Variants in UVRAG observed in about 807,000 individuals in gnomAD.
UVRAG encodes the protein UV radiation resistance-associated gene protein.
Under a neutral mutation model 78.0 loss-of-function variants are expected in UVRAG, and 19 were observed. That is an observed-to-expected ratio of 0.24 (90% CI 0.17 to 0.36). The LOEUF (loss-of-function observed/expected upper bound fraction) is 0.36, where lower values mean the gene tolerates loss of function less well. Ranked by LOEUF, UVRAG falls within the 10% of genes least tolerant of loss-of-function variation. The pLI, the probability that UVRAG is intolerant of heterozygous loss-of-function variation, is 1.00. For missense variants in UVRAG, 740 were observed against 853.8 expected, an observed-to-expected ratio of 0.87 and a Z score of 1.66; for synonymous variants, 323 against 324.6, an observed-to-expected ratio of 1.00 and a Z score of 0.05.
At chr11:75,825,014 A>G (rs1945481369) in intron 1 of UVRAG, among the ~76,000 whole-genome samples, 1 of 152,084 alleles carries the variant, frequency 6.6e-6, no homozygotes, top group African/African-American at 2.4e-5. Context: ...TACAGCTACA[A>G]ACTGAAGGTG....
At position 75,877,717 on chromosome 11, in the gene UVRAG, C is replaced by T. The variant is rs530217276; in HGVS notation, c.271-2162C>T. On this transcript the variant is annotated intron_variant, in intron 3 of 14. Transcript: ENST00000356136. ...GGCGCCCCTCACCTCCTGGACGGGG[C>T]GGCTGGCCGGGCGGGGGGCTGACCC... 4.3e-5 allele frequency among the ~76,000 whole-genome samples: 6 copies of T among 139,566 alleles called. No homozygotes were observed. In the East Asian group the frequency reaches 7.1e-4, roughly 17 times the overall value. 91.6% of individuals were successfully genotyped at this position (139,566 alleles called of 152,430 possible). A position where few individuals can be genotyped will look rare whatever the true frequency, so the allele number is the denominator to read the frequency against.
chr11:75,990,824 G>A (rs1179708940), intron 8 of UVRAG, among the ~76,000 whole-genome samples: 2 of 152,180 alleles, frequency 1.3e-5, no homozygotes, highest in African/African-American at 2.4e-5. Flanking sequence ...TCTGAGGGCA[G>A]GCACTGTTCA....
At chr11:75,880,079 C>T in intron 4 of UVRAG, 39 bp downstream of exon 4, 1 of 1,607,632 alleles carries the variant, frequency 6.2e-7, no homozygotes, top group Non-Finnish European at 8.5e-7. Context: ...TTGTCATCTC[C>T]AAATTAACGT....
At chr11:75,899,932 T>A (rs1376310580) in intron 5 of UVRAG, among the ~76,000 whole-genome samples, 1 of 152,220 alleles carries the variant, frequency 6.6e-6, no homozygotes, top group Non-Finnish European at 1.5e-5. Flanking sequence ...GAATTAGCTT[T>A]TGACAGGTGT....
chr11:75,938,073 G>A (rs1450868897), intron 6 of UVRAG, among the ~76,000 whole-genome samples: 1 of 149,190 alleles, frequency 6.7e-6, no homozygotes, highest in East Asian at 1.9e-4. Flanking sequence ...GTATATATAT[G>A]TATATGTATA....
At position 75,817,336 on chromosome 11, in the gene UVRAG, A is replaced by T. The variant is rs150272646; in HGVS notation, c.117+1812A>T. On this transcript the variant is annotated intron_variant, in intron 1 of 14. Transcript: ENST00000356136. ...TTTACTTCATGGAGCCTATTCTCTG[A>T]TAACAGTTCACAGTTTAACACTGGG... is the stretch of plus-strand genomic sequence containing the variant. Among the ~76,000 whole-genome samples the T allele has an allele frequency of 7.9e-5, 12 of 152,322 alleles. No individual in the cohort carries two copies. In the South Asian group the frequency reaches 2.5e-3, roughly 32 times the overall value.
intron 5 of UVRAG, chr11:75,911,586 TG>T (rs1947739597): frequency 1.7e-5 from 3 of 175,340 alleles, no homozygotes; most frequent in South Asian, 1.4e-4. Context: ...GTGGCAGCGT[TG>T]GGCGACATGT....
Position 75,850,434 on chromosome 11 carries a change from T to C in UVRAG, c.118-1449T>C, listed in dbSNP as rs538437435. Among the ~76,000 whole-genome samples the C allele has an allele frequency of 2.6e-5, 4 of 152,254 alleles. No homozygotes were observed. The South Asian group carries it at 8.3e-4, about 32-fold the overall frequency. ...AGTTCATGGTCTTTTTGATGGACTT[T>C]AAGCAGTCATGTGTGACTGAGGGGT... On this transcript the variant is annotated intron_variant, in intron 1 of 14. Coordinates refer to ENST00000356136, the MANE Select transcript of UVRAG (RefSeq NM_003369.4).
At chr11:76,137,455 A>C in intron 14 of UVRAG, 1 of 456,314 alleles carries the variant, frequency 2.2e-6, no homozygotes, top group South Asian at 1.5e-5. Context: ...TTAAGATGGT[A>C]AGAAAAGCTG....
chr11:75,966,721 G>T (rs1949031452), intron 7 of UVRAG, among the ~76,000 whole-genome samples: 1 of 152,112 alleles, frequency 6.6e-6, no homozygotes, highest in South Asian at 2.1e-4. Flanking sequence ...TCTGGATTTT[G>T]TTACTTTGTT....
chr11:76,027,745 G>A lies in UVRAG; in HGVS notation c.1226+10765G>A, dbSNP rs114929381. Among the ~76,000 whole-genome samples the A allele has an allele frequency of 9.3e-3, 1,415 of 152,236 alleles. 19 individuals are homozygous for A. The highest frequency in any genetic ancestry group is 0.033 in the African/African-American group (1,361 of 41,548). On this transcript the variant is annotated intron_variant, in intron 12 of 14. Transcript: ENST00000356136. ...AGGCATGTAAGTTTTTATTCTGTGTGCTAGATAGAAGATGGGCCTAATAAA... is the reference window on the plus strand; with the variant it reads ...AGGCATGTAAGTTTTTATTCTGTGTACTAGATAGAAGATGGGCCTAATAAA...
At chr11:76,085,130 C>A (rs1400160442) in intron 13 of UVRAG, among the ~76,000 whole-genome samples, 2 of 150,282 alleles carry the variant, frequency 1.3e-5, no homozygotes, top group Admixed American at 1.3e-4. Flanking sequence ...TTGCCTTAAC[C>A]AGAATAGTTT....
At chr11:75,886,829 C>T (rs1461914784) in intron 4 of UVRAG, among the ~76,000 whole-genome samples, 1 of 151,154 alleles carries the variant, frequency 6.6e-6, no homozygotes, top group African/African-American at 2.5e-5. Flanking sequence ...TGAACTTTCA[C>T]TTAAAACCTT....
intron 7 of UVRAG, among the ~76,000 whole-genome samples, chr11:75,968,500 T>C (rs1430590660): frequency 6.6e-6 from 1 of 152,162 alleles, no homozygotes; most frequent in Admixed American, 6.5e-5. Context: ...ACAATTCTGG[T>C]TTTGAATGAC....
intron 13 of UVRAG, among the ~76,000 whole-genome samples, chr11:76,105,833 A>C (rs77461316): frequency 0.035 from 5,305 of 152,302 alleles, 296 homozygotes; most frequent in African/African-American, 0.12. Flanking sequence ...TAAAACTGAC[A>C]GTATCAAGTG....
chr11:75,871,574 G>A (rs1231230582), intron 3 of UVRAG, among the ~76,000 whole-genome samples: 2 of 152,136 alleles, frequency 1.3e-5, no homozygotes, highest in African/African-American at 4.8e-5. Flanking sequence ...ACGAGCCACC[G>A]CGCCCGGACT....
At chr11:75,884,212 G>GTCTCTCTCTC (rs138821865) in intron 4 of UVRAG, among the ~76,000 whole-genome samples, 179 of 144,172 alleles carry the variant, frequency 1.2e-3, no homozygotes, top group African/African-American at 3.8e-3. Context: ...TTTGAGATCA[G>GTCTCTCTCTC]TCTCTCTCTC....
At chr11:75,888,207 C>T (rs938757219) in intron 4 of UVRAG, among the ~76,000 whole-genome samples, 45 of 152,078 alleles carry the variant, frequency 3.0e-4, no homozygotes, top group African/African-American at 1.1e-3. Context: ...GATCATGGCT[C>T]ACTGAAGCCT....
At chr11:76,070,817 G>A (rs542020575) in intron 13 of UVRAG, among the ~76,000 whole-genome samples, 2 of 152,260 alleles carry the variant, frequency 1.3e-5, no homozygotes, top group African/African-American at 4.8e-5. Flanking sequence ...GAGTCAGAAA[G>A]CCACATTAGA....
Sources: gnomAD v4.1 joint callset for allele counts (sites outside exome capture counted in the v4.1 genomes callset) on GRCh38, gnomAD v4.1.1 for gene constraint, MANE v1.5 for transcripts, NCBI Gene and HGNC (gene_info 2026-07-23, HGNC 2026-07-21) for gene names.